Variants in CLIC4 observed in about 807,000 individuals in gnomAD.
CLIC4 encodes the protein CLIC family member 4.
Under a neutral mutation model 24.6 loss-of-function variants are expected in CLIC4, and 13 were observed. That is an observed-to-expected ratio of 0.53 (90% CI 0.34 to 0.84). The LOEUF (loss-of-function observed/expected upper bound fraction) is 0.84, where lower values mean the gene tolerates loss of function less well. Ranked by LOEUF, CLIC4 falls within the 40% of genes least tolerant of loss-of-function variation. CLIC4 has a pLI of 0.01. For missense variants in CLIC4, 227 were observed against 301.7 expected, an observed-to-expected ratio of 0.75 and a Z score of 1.83; for synonymous variants, 104 against 111.3, an observed-to-expected ratio of 0.93 and a Z score of 0.41.
chr1:24,782,843 G>A (rs778647078), intron 1 of CLIC4, among the ~76,000 whole-genome samples: 2 of 152,074 alleles, frequency 1.3e-5, no homozygotes, highest in Admixed American at 6.6e-5. Flanking sequence ...GCCAGGCATA[G>A]TGATGTTTGC....
At chr1:24,832,041 A>G (rs2124171885) in intron 4 of CLIC4, among the ~76,000 whole-genome samples, 1 of 152,304 alleles carries the variant, frequency 6.6e-6, no homozygotes, top group East Asian at 1.9e-4. Flanking sequence ...ATACCCATAG[A>G]AAGTGTTTCA....
Position 24,794,482 on chromosome 1 carries a change from G to A in CLIC4, c.73-3260G>A, listed in dbSNP as rs116852806. Among the ~76,000 whole-genome samples the A allele has an allele frequency of 5.0e-3, 754 of 151,910 alleles. 8 individuals are homozygous for A. Among genetic ancestry groups the A allele is most frequent in the East Asian group, 0.034 (175 of 5,166 alleles). On this transcript the variant is annotated intron_variant, in intron 1 of 5. Transcript: ENST00000374379. Reference sequence around the variant, plus strand: ...TTTTCATATGCTTGTTGGGCCACATGTATGTCTTCTTTTGAAAAGTGTCTT... The same window carrying A: ...TTTTCATATGCTTGTTGGGCCACATATATGTCTTCTTTTGAAAAGTGTCTT...
Position 24,789,511 on chromosome 1 carries a change from C to A in CLIC4, c.73-8231C>A, listed in dbSNP as rs574402475. On this transcript the variant is annotated intron_variant, in intron 1 of 5. Transcript: ENST00000374379. ...CCAGCCTGAGTGACAGAGCAAGACT[C>A]TGTCTCAAAACAAATAAACAAACAA... 1.1e-4 allele frequency among the ~76,000 whole-genome samples: 17 copies of A among 152,216 alleles called. No homozygotes were observed. The South Asian group carries it at 3.5e-3, about 32-fold the overall frequency.
At chr1:24,747,602 G>A (rs1232912999) in intron 1 of CLIC4, among the ~76,000 whole-genome samples, 1 of 149,734 alleles carries the variant, frequency 6.7e-6, no homozygotes, top group Non-Finnish European at 1.5e-5. Flanking sequence ...AGGGAAACAA[G>A]TGGGCCAGAG....
At chr1:24,750,092 GTAAC>G (rs1244827147) in intron 1 of CLIC4, among the ~76,000 whole-genome samples, 6 of 151,838 alleles carry the variant, frequency 4.0e-5, no homozygotes, top group Admixed American at 3.9e-4. Flanking sequence ...AAATAAGTAA[GTAAC>G]TAAGCTGGGC....
chr1:24,792,420 G>A (rs941546279), intron 1 of CLIC4, among the ~76,000 whole-genome samples: 4 of 152,098 alleles, frequency 2.6e-5, no homozygotes, highest in African/African-American at 9.7e-5. Context: ...TCAAACTCCT[G>A]GTGTCAAGTG....
intron 1 of CLIC4, among the ~76,000 whole-genome samples, chr1:24,751,328 G>GA (rs963383343): frequency 1.3e-5 from 2 of 150,728 alleles, no homozygotes; most frequent in Non-Finnish European, 2.9e-5. Flanking sequence ...TCCTGCCGCA[G>GA]ACTCCCGAGT....
chr1:24,825,847 A>G (rs1410382443), intron 3 of CLIC4, among the ~76,000 whole-genome samples: 1 of 152,224 alleles, frequency 6.6e-6, no homozygotes, highest in Admixed American at 6.5e-5. Context: ...TGGCAAGACA[A>G]TGTCTTCAAA....
At chr1:24,794,419 G>A (rs1639375026) in intron 1 of CLIC4, among the ~76,000 whole-genome samples, 1 of 148,442 alleles carries the variant, frequency 6.7e-6, no homozygotes, top group Admixed American at 6.7e-5. Flanking sequence ...CTGTGCTTTT[G>A]ATTTGTTTTT....
At chr1:24,803,975 C>T (rs1639518641) in intron 2 of CLIC4, among the ~76,000 whole-genome samples, 1 of 152,084 alleles carries the variant, frequency 6.6e-6, no homozygotes, top group Non-Finnish European at 1.5e-5. Context: ...TTCTGCATAT[C>T]TTAAAAGGCA....
intron 1 of CLIC4, among the ~76,000 whole-genome samples, chr1:24,752,446 C>T (rs1162101263): frequency 6.6e-6 from 1 of 152,174 alleles, no homozygotes; most frequent in East Asian, 1.9e-4. Context: ...ACTCCCAGAG[C>T]ATTGTCCTCT....
At chr1:24,824,494 C>T (rs748950132) in intron 3 of CLIC4, among the ~76,000 whole-genome samples, 5 of 152,174 alleles carry the variant, frequency 3.3e-5, no homozygotes, top group Admixed American at 6.5e-5. Flanking sequence ...TCTCGAACTC[C>T]TGACCTCAAT....
chr1:24,836,382 A>G (rs1288800345), intron 4 of CLIC4, among the ~76,000 whole-genome samples: 2 of 152,246 alleles, frequency 1.3e-5, no homozygotes, highest in African/African-American at 2.4e-5. Flanking sequence ...ATGTATATAC[A>G]TATCTCACTG....
chr1:24,814,408 G>T (rs186266529), intron 3 of CLIC4, among the ~76,000 whole-genome samples, 189 bp downstream of exon 3: 1 of 152,190 alleles, frequency 6.6e-6, no homozygotes, highest in Non-Finnish European at 1.5e-5. Flanking sequence ...ACTAAGAAAG[G>T]TGGGGATTTG....
rs547520379 is a variant in CLIC4 at position 24,776,913 on chromosome 1, A to T, written c.73-20829A>T. Among the ~76,000 whole-genome samples the T allele has an allele frequency of 1.5e-3, 235 of 151,648 alleles. 1 individual carries two copies. The highest frequency in any genetic ancestry group is 5.3e-3 in the African/African-American group (219 of 41,414). ...GGCGACAAGAGCAAAACTCTGTCTC[A>T]AAAAAAAACCCGAAAATGCTGGGTT... On this transcript the variant is annotated intron_variant, in intron 1 of 5. Transcript: ENST00000374379.
intron 3 of CLIC4, among the ~76,000 whole-genome samples, chr1:24,817,227 C>G (rs1439980202): frequency 1.3e-5 from 2 of 151,858 alleles, no homozygotes; most frequent in African/African-American, 4.9e-5. Context: ...CTAGATAGAT[C>G]ATCAGATGAA....
intron 1 of CLIC4, among the ~76,000 whole-genome samples, chr1:24,751,323 C>T (rs977386003): frequency 5.3e-5 from 8 of 151,744 alleles, no homozygotes; most frequent in Admixed American, 3.3e-4. Flanking sequence ...GATTCTCCTG[C>T]CGCAGACTCC....
intron 1 of CLIC4, among the ~76,000 whole-genome samples, chr1:24,757,654 CTAAT>C (rs1182955484): frequency 6.6e-6 from 1 of 151,660 alleles, no homozygotes; most frequent in African/African-American, 2.4e-5. Context: ...TGAAAACAGA[CTAAT>C]TAGGAAAAAA....
At chr1:24,835,544 C>CA (rs774159390) in intron 4 of CLIC4, among the ~76,000 whole-genome samples, 5 of 152,128 alleles carry the variant, frequency 3.3e-5, no homozygotes, top group Non-Finnish European at 5.9e-5. Context: ...GCCTGGGCGA[C>CA]AGAGTGTGAG....
Sources: gnomAD v4.1 joint callset for allele counts (sites outside exome capture counted in the v4.1 genomes callset) on GRCh38, gnomAD v4.1.1 for gene constraint, MANE v1.5 for transcripts, NCBI Gene and HGNC (gene_info 2026-07-23, HGNC 2026-07-21) for gene names.